The following TMEM132E variants were observed in gnomAD, a reference collection of about 807,000 sequenced individuals.
TMEM132E encodes transmembrane protein 132E.
In TMEM132E, 49 loss-of-function variants were observed where a neutral mutation model predicts 78.5. The ratio of observed to expected loss-of-function variants is 0.62; its 90% CI spans 0.50 to 0.79. The LOEUF (loss-of-function observed/expected upper bound fraction) is 0.79. Ranked by LOEUF, TMEM132E falls within the 30% of genes least tolerant of loss-of-function variation. TMEM132E has a pLI of 0.00. For synonymous variants in TMEM132E, 715 were observed against 670.6 expected (o/e 1.07, Z -1.02); for missense variants, 1,403 against 1,470.9 (o/e 0.95, Z 0.75).
At chr17:34,590,261 C>G (rs531664810) in intron 1 of TMEM132E, among the ~76,000 whole-genome samples, 35 of 152,360 alleles carry the variant, frequency 2.3e-4, no homozygotes, top group South Asian at 6.2e-4. Flanking sequence ...AATCCTCCCC[C>G]CCGGAGCTGG....
At chr17:34,628,913 C>T in intron 3 of TMEM132E, 99 bp from the exon 4 acceptor site, 3 of 1,442,800 alleles carry the variant, frequency 2.1e-6, no homozygotes, top group Non-Finnish European at 2.8e-6. Flanking sequence ...CATCAGGCAG[C>T]TGCCGGGGAG....
Position 34,626,703 on chromosome 17 carries a change from C to A in TMEM132E, c.644C>A (p.Ser215Tyr). The A allele has an allele frequency of 1.4e-6, 2 of 1,386,708 alleles. No individual in the cohort carries two copies. Among genetic ancestry groups the A allele is most frequent in the South Asian group, 1.5e-5 (1 of 66,128 alleles). 85.9% of individuals were successfully genotyped at this position (1,386,708 alleles called of 1,614,324 possible). Reference sequence around the variant, plus strand: ...GCGCCACCCACGGCCCGCCGCAAGTCCCCGGACGGGCTGGAGCCCGAGGCG... The same window carrying A: ...GCGCCACCCACGGCCCGCCGCAAGTACCCGGACGGGCTGGAGCCCGAGGCG... ...PAAPPTARRK[S>Y]PDGLEPEATG... Residue 215 changes from serine (S) to tyrosine (Y), a missense_variant, in exon 2 of 9, where the codon TCC becomes TAC. Around this residue, in one of 3 missense-constraint regions of TMEM132E, gnomAD observed 511 missense variants for 499.0 expected, o/e 1.02. Coordinates refer to ENST00000631683, the MANE Select transcript of TMEM132E (RefSeq NM_001304438.2).
In TMEM132E at chr17:34,636,381, G is replaced by C. The variant is rs12603399; in HGVS notation, c.2169+183G>C. On this transcript the variant is annotated intron_variant, in intron 8 of 8. Transcript: ENST00000631683. Reference sequence around the variant, plus strand: ...CACAACATCTACATGGGAGGTCAGAGCAAGGTCTTGCTTGCTGCTCTTGCC... The same window carrying C: ...CACAACATCTACATGGGAGGTCAGACCAAGGTCTTGCTTGCTGCTCTTGCC... Among the ~76,000 whole-genome samples the C allele has an allele frequency of 0.19, 28,719 of 152,216 alleles. 3,413 individuals carry two copies. Among genetic ancestry groups the C allele is most frequent in the East Asian group, 0.26 (1,360 of 5,168 alleles).
intron 1 of TMEM132E, among the ~76,000 whole-genome samples, chr17:34,597,624 C>T (rs1906103611): frequency 1.3e-5 from 2 of 152,314 alleles, no homozygotes; most frequent in East Asian, 1.9e-4. Context: ...CCAAGGCTGA[C>T]ACCCCATGGA....
chr17:34,605,902 C>T (rs1025890635), intron 1 of TMEM132E, among the ~76,000 whole-genome samples: 1 of 152,172 alleles, frequency 6.6e-6, no homozygotes, highest in Non-Finnish European at 1.5e-5. Context: ...TGTTTCCAAC[C>T]TCTACATGCG....
intron 1 of TMEM132E, among the ~76,000 whole-genome samples, chr17:34,601,704 G>A (rs1326404791): frequency 6.6e-6 from 1 of 152,194 alleles, no homozygotes; most frequent in Admixed American, 6.5e-5. Context: ...CTCTGTAATG[G>A]CTCCAGCCCC....
In TMEM132E at chr17:34,609,631, C is replaced by T. The variant is rs144811332; in HGVS notation, c.68-16496C>T. Among the ~76,000 whole-genome samples the T allele has an allele frequency of 1.1e-3, 165 of 152,300 alleles. 1 individual carries two copies. Among genetic ancestry groups the T allele is most frequent in the African/African-American group, 3.4e-3 (140 of 41,572 alleles). On this transcript the variant is annotated intron_variant, in intron 1 of 8. Coordinates refer to ENST00000631683, the MANE Select transcript of TMEM132E (RefSeq NM_001304438.2). The stretch of plus-strand genomic sequence containing the variant: ...ATGTGGAGGAGACAAAGACAAGCAC[C>T]ACCTTGTGGTCTCATTCCCCTGCTC...
intron 1 of TMEM132E, among the ~76,000 whole-genome samples, chr17:34,610,451 A>G (rs2142066321): frequency 6.6e-6 from 1 of 152,318 alleles, no homozygotes. Context: ...ATGCAAACCG[A>G]CAGTTGCAAT....
chr17:34,622,362 G>GAGAC (rs1462257121), intron 1 of TMEM132E, among the ~76,000 whole-genome samples: 1 of 152,228 alleles, frequency 6.6e-6, no homozygotes, highest in Non-Finnish European at 1.5e-5. Flanking sequence ...CAATGCTGAG[G>GAGAC]AGACTGAAGG....
At chr17:34,582,432 G>A (rs1406030170) in intron 1 of TMEM132E, among the ~76,000 whole-genome samples, 3 of 151,808 alleles carry the variant, frequency 2.0e-5, no homozygotes, top group South Asian at 2.1e-4. Context: ...GGAATCGTAG[G>A]GTCCTGGGGC....
intron 1 of TMEM132E, among the ~76,000 whole-genome samples, chr17:34,588,370 G>A (rs1905751451): frequency 6.6e-6 from 1 of 152,218 alleles, no homozygotes; most frequent in South Asian, 2.1e-4. Flanking sequence ...CCTGGAACGT[G>A]TGTGATCTTT....
intron 1 of TMEM132E, among the ~76,000 whole-genome samples, chr17:34,582,418 T>C (rs1033498606): frequency 1.3e-5 from 2 of 151,832 alleles, no homozygotes; most frequent in African/African-American, 2.4e-5. Context: ...AAAGAGGGGC[T>C]CTCGGAATCG....
chr17:34,616,662 A>G (rs1022597046), intron 1 of TMEM132E, among the ~76,000 whole-genome samples: 3 of 152,116 alleles, frequency 2.0e-5, no homozygotes, highest in Non-Finnish European at 4.4e-5. Flanking sequence ...TGGGGTCTGC[A>G]GCTTCGTGGT....
intron 8 of TMEM132E, 73 bp downstream of exon 8, chr17:34,636,271 C>T: frequency 3.0e-6 from 4 of 1,333,494 alleles, no homozygotes; most frequent in Non-Finnish European, 3.9e-6. Flanking sequence ...CTGCTTTGCC[C>T]TAGCACCAAG....
chr17:34,633,623 C>A (rs753964541), intron 6 of TMEM132E, among the ~76,000 whole-genome samples: 1 of 152,152 alleles, frequency 6.6e-6, no homozygotes, highest in African/African-American at 2.4e-5. Context: ...AGGAGGTGGG[C>A]GGGGCTGGAG....
intron 1 of TMEM132E, among the ~76,000 whole-genome samples, chr17:34,602,841 G>A (rs554132400): frequency 6.6e-6 from 1 of 152,318 alleles, no homozygotes; most frequent in African/African-American, 2.4e-5. Context: ...CCCATCTGTG[G>A]CCAGGACCAT....
chr17:34,638,566 T>G lies in TMEM132E; in HGVS notation c.*334T>G. 1 of 250,324 alleles carries G rather than the reference T, an allele frequency of 4.0e-6. No homozygotes were observed. The allele number at this position is 250,324 out of a possible 1,614,324, so 15.5% of individuals were successfully genotyped here. A position where few individuals can be genotyped will look rare whatever the true frequency, so the allele number is the denominator to read the frequency against. On this transcript the variant is annotated 3_prime_UTR_variant, in exon 9 of 9. Transcript: ENST00000631683. The stretch of plus-strand genomic sequence containing the variant: ...CAAGAGTGAGGCAAGGAGGTCCAGC[T>G]TGGGGTCAGGTGGGCCCACGCTGTG...
intron 1 of TMEM132E, among the ~76,000 whole-genome samples, chr17:34,581,861 G>A (rs1905496975): frequency 6.6e-6 from 1 of 152,092 alleles, no homozygotes; most frequent in Non-Finnish European, 1.5e-5. Context: ...CGGTAAAGGG[G>A]GTGGGAGAAG....
chr17:34,590,397 T>C (rs1390883369), intron 1 of TMEM132E, among the ~76,000 whole-genome samples: 2 of 152,174 alleles, frequency 1.3e-5, no homozygotes, highest in African/African-American at 2.4e-5. Context: ...TCTGCACAGA[T>C]TGTAATAAAA....
Sources: gnomAD v4.1 joint callset for allele counts (sites outside exome capture counted in the v4.1 genomes callset) on GRCh38, gnomAD v4.1.1 for gene constraint, gnomAD v4.1.1 regional missense constraint, MANE v1.5 for transcripts, NCBI Gene and HGNC (gene_info 2026-07-23, HGNC 2026-07-21) for gene names.